The following GALNT13 variants were observed in gnomAD, a reference collection of about 807,000 sequenced individuals.
GALNT13 encodes the protein polypeptide N-acetylgalactosaminyltransferase 13.
Under a neutral mutation model 64.2 loss-of-function variants are expected in GALNT13, and 28 were observed. That is an observed-to-expected ratio of 0.44 (90% CI 0.32 to 0.60). GALNT13 has a LOEUF of 0.60. GALNT13 is among the 20% of genes least tolerant of loss of function. The pLI is 0.05. For missense variants in GALNT13, 577 were observed against 669.8 expected, an observed-to-expected ratio of 0.86 and a Z score of 1.53; for synonymous variants, 214 against 224.6, an observed-to-expected ratio of 0.95 and a Z score of 0.42.
chr2:153,241,995 T>G, the GALNT13 span, among the ~76,000 whole-genome samples: 1 of 152,052 alleles, frequency 6.6e-6, no homozygotes, highest in Non-Finnish European at 1.5e-5. Context: ...GAGCTTAACC[T>G]TGTGACCATG....
At chr2:154,408,805 A>T (rs982722227) in intron 10 of GALNT13, among the ~76,000 whole-genome samples, 179 bp from the exon 11 acceptor site, 1 of 152,084 alleles carries the variant, frequency 6.6e-6, no homozygotes, top group African/African-American at 2.4e-5. Flanking sequence ...AAATGTATAC[A>T]GGTTAAGAAT....
At chr2:153,199,658 T>C in the GALNT13 span, among the ~76,000 whole-genome samples, 24,051 of 152,158 alleles carry the variant, frequency 0.16, 2,006 homozygotes, top group Non-Finnish European at 0.18. Flanking sequence ...AATGATGTGA[T>C]TATAGTCTAA....
At chr2:153,983,422 A>C (rs1395812023) in intron 3 of GALNT13, among the ~76,000 whole-genome samples, 1 of 151,914 alleles carries the variant, frequency 6.6e-6, no homozygotes. Flanking sequence ...AAACTCTTTA[A>C]GTATTAGAAA....
At position 153,919,238 on chromosome 2, in the gene GALNT13, A is replaced by G. The variant is rs115712954; in HGVS notation, c.-105+18231A>G. 5.4e-3 allele frequency among the ~76,000 whole-genome samples: 817 copies of G among 152,060 alleles called. 5 individuals are homozygous for G. The highest frequency in any genetic ancestry group is 0.018 in the African/African-American group (752 of 41,516). On this transcript the variant is annotated intron_variant, in intron 2 of 12. Coordinates refer to ENST00000392825, the MANE Select transcript of GALNT13 (RefSeq NM_052917.4). ...CTTAGATTCTCACTGAACAAATTTT[A>G]TCAACTTCCATGTCTTCAATTTCCA... is the stretch of plus-strand genomic sequence containing the variant.
chr2:154,428,462 C>G (rs1212131060), intron 11 of GALNT13, among the ~76,000 whole-genome samples: 4 of 152,186 alleles, frequency 2.6e-5, no homozygotes, highest in African/African-American at 9.6e-5. Context: ...ACCAAATATA[C>G]ATGTAGACAT....
At chr2:153,783,730 A>C in the GALNT13 span, among the ~76,000 whole-genome samples, 1 of 152,114 alleles carries the variant, frequency 6.6e-6, no homozygotes, top group African/African-American at 2.4e-5. Context: ...GTGAGTTCTC[A>C]TGAGATCTGA....
chr2:154,116,786 G>A (rs905396676), intron 3 of GALNT13, among the ~76,000 whole-genome samples: 7 of 152,032 alleles, frequency 4.6e-5, no homozygotes, highest in South Asian at 2.1e-4. Flanking sequence ...AGAAACCCCC[G>A]AACCAATGAA....
chr2:153,129,107 C>T, the GALNT13 span, among the ~76,000 whole-genome samples: 1 of 152,148 alleles, frequency 6.6e-6, no homozygotes, highest in African/African-American at 2.4e-5. Flanking sequence ...GCTTTGATTC[C>T]TTCTGGACAC....
chr2:153,567,120 A>G, the GALNT13 span, among the ~76,000 whole-genome samples: 1 of 152,166 alleles, frequency 6.6e-6, no homozygotes, highest in Non-Finnish European at 1.5e-5. Context: ...GAAGGGCAGG[A>G]TATGGTAAAG....
chr2:153,417,682 A>C, the GALNT13 span, among the ~76,000 whole-genome samples: 1 of 152,220 alleles, frequency 6.6e-6, no homozygotes, highest in Non-Finnish European at 1.5e-5. Flanking sequence ...ATTCTTTTAG[A>C]GAATAAGCTT....
chr2:153,269,103 TC>T, the GALNT13 span, among the ~76,000 whole-genome samples: 2 of 152,236 alleles, frequency 1.3e-5, no homozygotes, highest in Admixed American at 1.3e-4. Flanking sequence ...GGCTTGAATT[TC>T]TTTCCAGAAA....
chr2:154,286,670 T>C (rs944117845), intron 8 of GALNT13: 6 of 311,034 alleles, frequency 1.9e-5, no homozygotes, highest in African/African-American at 4.3e-5. Context: ...AACTCTGCCT[T>C]ATACAGTGTG....
the GALNT13 span, among the ~76,000 whole-genome samples, chr2:153,264,442 T>C: frequency 3.3e-5 from 5 of 152,220 alleles, no homozygotes; most frequent in African/African-American, 1.2e-4. Flanking sequence ...ACTGGGTATA[T>C]ACCCAAAGGA....
intron 3 of GALNT13, among the ~76,000 whole-genome samples, chr2:154,095,631 T>C (rs1417436009): frequency 6.6e-6 from 1 of 152,024 alleles, no homozygotes; most frequent in Admixed American, 6.6e-5. Flanking sequence ...AGTTTTTTTC[T>C]TAATATGTGA....
chr2:153,188,901 T>C, the GALNT13 span, among the ~76,000 whole-genome samples: 1 of 152,166 alleles, frequency 6.6e-6, no homozygotes, highest in East Asian at 1.9e-4. Context: ...GCATAGAATG[T>C]TTAATGATCA....
chr2:153,826,644 G>T, the GALNT13 span, among the ~76,000 whole-genome samples: 1 of 151,996 alleles, frequency 6.6e-6, no homozygotes, highest in East Asian at 1.9e-4. Context: ...ACCAGGAAAT[G>T]ACATGATCTA....
rs576768426 is a variant in GALNT13, at chr2:154,382,517, A to G, written c.1157-13474A>G. Among the ~76,000 whole-genome samples, 56 of 152,176 alleles carry G rather than the reference A, an allele frequency of 3.7e-4. 1 individual carries two copies. Among genetic ancestry groups the G allele is most frequent in the East Asian group, 1.9e-3 (10 of 5,180 alleles). On this transcript the variant is annotated intron_variant, in intron 9 of 12. Transcript: ENST00000392825. The stretch of plus-strand genomic sequence containing the variant: ...TGACCAGTGCTAGAAGAAGATAAAT[A>G]CTGCATGGGAAACCCAGGAGCAGTA...
the GALNT13 span, among the ~76,000 whole-genome samples, chr2:153,415,277 G>A: frequency 6.6e-6 from 1 of 152,156 alleles, no homozygotes; most frequent in Non-Finnish European, 1.5e-5. Flanking sequence ...GCCAATTGGT[G>A]GAGCCATGGT....
At chr2:154,108,766 A>T (rs781167412) in intron 3 of GALNT13, among the ~76,000 whole-genome samples, 1 of 151,940 alleles carries the variant, frequency 6.6e-6, no homozygotes, top group African/African-American at 2.4e-5. Context: ...TGAGTTTTGT[A>T]TACAGTATTA....
Sources: allele counts gnomAD v4.1 joint callset (sites outside exome capture counted in the v4.1 genomes callset), GRCh38; gene constraint gnomAD v4.1.1; transcripts MANE v1.5; gene names NCBI Gene and HGNC (gene_info 2026-07-23, HGNC 2026-07-21).